RPS6KA6: variants seen among roughly 807,000 people sequenced by gnomAD.
RPS6KA6 encodes the protein ribosomal protein S6 kinase alpha-6.
In RPS6KA6, 27 loss-of-function variants were observed where a neutral mutation model predicts 65.4. The observed-to-expected ratio is 0.41, with a 90% CI of 0.30 to 0.57. The LOEUF is 0.57. Ranked by LOEUF, RPS6KA6 falls within the 20% of genes least tolerant of loss-of-function variation. RPS6KA6 has a pLI of 0.24. For missense variants in RPS6KA6, 486 were observed against 555.6 expected, an observed-to-expected ratio of 0.87 and a Z score of 1.26; for synonymous variants, 190 against 184.2, an observed-to-expected ratio of 1.03 and a Z score of -0.26.
intron 16 of RPS6KA6, among the ~76,000 whole-genome samples, chrX:84,105,109 A>G (rs762060734): frequency 1.0e-3 from 113 of 110,667 alleles, no homozygotes; most frequent in Admixed American, 2.8e-3. Context: ...GAATTCCAAT[A>G]GTATACCAAG....
chrX:84,144,802 A>T (rs1289501435), intron 6 of RPS6KA6, among the ~76,000 whole-genome samples: 1 of 111,209 alleles, frequency 9.0e-6, no homozygotes, highest in Non-Finnish European at 1.9e-5. Context: ...ATGATAAACA[A>T]ATCATGATGT....
intron 20 of RPS6KA6, among the ~76,000 whole-genome samples, chrX:84,093,435 C>T (rs1261914765): frequency 9.0e-6 from 1 of 111,623 alleles, no homozygotes; most frequent in Non-Finnish European, 1.9e-5. Flanking sequence ...TCTCATAGCT[C>T]CTACAAAAGT....
intron 20 of RPS6KA6, among the ~76,000 whole-genome samples, chrX:84,092,505 C>A (rs1183719023): frequency 9.1e-6 from 1 of 109,410 alleles, no homozygotes; most frequent in Non-Finnish European, 1.9e-5. Context: ...GCCTGTAATG[C>A]CAGCTACTCG....
chrX:84,106,351 C>T lies in RPS6KA6; in HGVS notation c.1365+14G>A. The T allele has an allele frequency of 3.3e-6, 4 of 1,198,340 alleles. No individual in the cohort carries two copies. The highest frequency in any genetic ancestry group is 4.5e-6 in the Non-Finnish European group (4 of 888,354). On this transcript the variant is annotated intron_variant, in intron 15 of 21. Coordinates refer to ENST00000262752, the MANE Select transcript of RPS6KA6 (RefSeq NM_014496.5). ...GCATAAAACAAACAAGAAAGCTAGG[C>T]TCAGAGACAATACCTTCACTGCAAA... is the stretch of plus-strand genomic sequence containing the variant.
intron 20 of RPS6KA6, among the ~76,000 whole-genome samples, chrX:84,080,935 C>A (rs1206060914): frequency 9.0e-6 from 1 of 111,498 alleles, no homozygotes; most frequent in East Asian, 2.8e-4. Context: ...TGAATGAGAA[C>A]AAATACACAA....
intron 6 of RPS6KA6, among the ~76,000 whole-genome samples, chrX:84,138,089 T>C (rs1369216580): frequency 1.8e-5 from 2 of 111,921 alleles, no homozygotes; most frequent in Non-Finnish European, 3.8e-5. Context: ...ATGGTAGAGA[T>C]GGCATTTTAA....
chrX:84,112,938 G>C (rs1049607050), intron 12 of RPS6KA6, among the ~76,000 whole-genome samples: 7 of 111,691 alleles, frequency 6.3e-5, no homozygotes, highest in African/African-American at 2.3e-4. Context: ...GAAGAAAAGA[G>C]AGAAGATTCT....
intron 6 of RPS6KA6, among the ~76,000 whole-genome samples, chrX:84,136,774 C>T (rs1350617125): frequency 1.8e-5 from 2 of 111,278 alleles, no homozygotes; most frequent in Non-Finnish European, 3.8e-5. Flanking sequence ...AGGCACTGTA[C>T]AATCATTATG....
intron 20 of RPS6KA6, among the ~76,000 whole-genome samples, chrX:84,086,178 G>T (rs1398175425): frequency 1.8e-5 from 2 of 110,138 alleles, no homozygotes; most frequent in African/African-American, 6.6e-5. Context: ...CTCTGATTTT[G>T]GTTATTTCCT....
chrX:84,133,430 T>G (rs1268524174), intron 8 of RPS6KA6, among the ~76,000 whole-genome samples: 2 of 111,952 alleles, frequency 1.8e-5, no homozygotes, highest in Non-Finnish European at 3.8e-5. Flanking sequence ...CATTTCTTCC[T>G]GTTACATGCT....
At chrX:84,122,623 T>C (rs2147480707) in intron 8 of RPS6KA6, among the ~76,000 whole-genome samples, 1 of 110,698 alleles carries the variant, frequency 9.0e-6, no homozygotes, top group East Asian at 2.9e-4. Context: ...CATGAGCCAC[T>C]GCACCCGGCC....
At chrX:84,090,313 T>C (rs2034017799) in intron 20 of RPS6KA6, among the ~76,000 whole-genome samples, 1 of 112,344 alleles carries the variant, frequency 8.9e-6, no homozygotes. Flanking sequence ...TGTACCTTCC[T>C]AGCTTGGCTT....
chrX:84,164,920 T>C (rs760729774), intron 1 of RPS6KA6, among the ~76,000 whole-genome samples: 1 of 111,609 alleles, frequency 9.0e-6, no homozygotes, highest in Non-Finnish European at 1.9e-5. Flanking sequence ...GCTCAGTAGG[T>C]AATACTACTC....
chrX:84,148,194 AC>A (rs1374642195), intron 3 of RPS6KA6, 71 bp from the exon 4 acceptor site: 5 of 576,746 alleles, frequency 8.7e-6, no homozygotes, highest in Non-Finnish European at 1.4e-5. Flanking sequence ...ACACAAACAC[AC>A]CAGCATACAC....
At chrX:84,111,622 A>T (rs1040850685) in intron 12 of RPS6KA6, among the ~76,000 whole-genome samples, 1 of 111,715 alleles carries the variant, frequency 9.0e-6, no homozygotes, top group African/African-American at 3.3e-5. Flanking sequence ...AAAGTCATTA[A>T]CCGAAAAGAA....
At chrX:84,067,978 G>A (rs1366023738) in intron 20 of RPS6KA6, among the ~76,000 whole-genome samples, 1 of 111,827 alleles carries the variant, frequency 8.9e-6, no homozygotes, top group East Asian at 2.8e-4. Context: ...CATTCTTAAA[G>A]AAAAGAATTT....
At chrX:84,143,688 T>C (rs139428351) in intron 6 of RPS6KA6, among the ~76,000 whole-genome samples, 157 of 111,336 alleles carry the variant, frequency 1.4e-3, no homozygotes, top group Middle Eastern at 4.6e-3. Flanking sequence ...GAAAAGCCGA[T>C]TTTAAAATTG....
Position 84,106,443 on chromosome X carries a change from C to T in RPS6KA6, c.1287G>A (p.Lys429=). The T allele has an allele frequency of 8.5e-6, 10 of 1,175,016 alleles. No homozygotes were observed. Among genetic ancestry groups the T allele is most frequent in the Non-Finnish European group, 1.2e-5 (10 of 866,242 alleles). The change falls in exon 15 of 22, where the codon AAG becomes AAA. Residue 429 remains lysine (K), a synonymous_variant. Transcript: ENST00000262752. ...AAQFGEVYEL[K]EDIGVGSYSV... The stretch of plus-strand genomic sequence containing the variant: ...AGTAGGAGCCAACACCAATATCCTC[C>T]TTCAATTCATATACTTCACCAAATT...
intron 20 of RPS6KA6, among the ~76,000 whole-genome samples, chrX:84,091,917 A>C (rs901198409): frequency 9.0e-6 from 1 of 111,634 alleles, no homozygotes; most frequent in Non-Finnish European, 1.9e-5. Flanking sequence ...TATCCTCAGC[A>C]AACTAACGCA....
Sources: gnomAD v4.1 joint callset for allele counts (sites outside exome capture counted in the v4.1 genomes callset) on GRCh38, gnomAD v4.1.1 for gene constraint, MANE v1.5 for transcripts, NCBI Gene and HGNC (gene_info 2026-07-23, HGNC 2026-07-21) for gene names.